PRTFDC1: variants seen among roughly 807,000 people sequenced by gnomAD.
PRTFDC1 encodes phosphoribosyl transferase domain containing 1, also known as phosphoribosyltransferase domain-containing protein 1.
PRTFDC1 carries 38 observed loss-of-function variants against 34.6 expected under a neutral mutation model. The ratio of observed to expected loss-of-function variants is 1.10; its 90% confidence interval spans 0.85 to 1.44. The LOEUF (loss-of-function observed/expected upper bound fraction) is 1.44. Ranked by LOEUF, PRTFDC1 falls within the 40% of genes most tolerant of loss-of-function variation. The pLI is 0.00. For synonymous variants in PRTFDC1, 93 were observed against 98.1 expected (o/e 0.95, Z 0.31); for missense variants, 270 against 283.0 (o/e 0.95, Z 0.33).
intron 5 of PRTFDC1, among the ~76,000 whole-genome samples, chr10:24,857,848 C>A (rs188472151): frequency 6.6e-6 from 1 of 152,064 alleles, no homozygotes; most frequent in Admixed American, 6.6e-5. Flanking sequence ...CATAGGGATC[C>A]CACGTTCTCT....
At chr10:24,900,298 G>C (rs538698114) in intron 3 of PRTFDC1, among the ~76,000 whole-genome samples, 19 of 152,210 alleles carry the variant, frequency 1.2e-4, no homozygotes, top group Non-Finnish European at 2.2e-4. Context: ...CCCTGGTCTT[G>C]ATTCCCAGTG....
chr10:24,857,586 A>C (rs987339531), intron 5 of PRTFDC1, among the ~76,000 whole-genome samples: 2 of 152,158 alleles, frequency 1.3e-5, no homozygotes, highest in African/African-American at 4.8e-5. Context: ...TATTGTCCTA[A>C]GGACAGGAAT....
At chr10:24,929,909 C>T (rs1015852498) in intron 3 of PRTFDC1, among the ~76,000 whole-genome samples, 1 of 152,140 alleles carries the variant, frequency 6.6e-6, no homozygotes, top group Non-Finnish European at 1.5e-5. Flanking sequence ...AGAGCTTTCT[C>T]AAAACACACT....
At chr10:24,937,591 T>C in intron 2 of PRTFDC1, among the ~76,000 whole-genome samples, 1 of 147,312 alleles carries the variant, frequency 6.8e-6, no homozygotes, top group African/African-American at 2.5e-5. Flanking sequence ...GGAGTCTCAC[T>C]CTGTTGCCCA....
rs201465831 is a variant in PRTFDC1, at chr10:24,856,947, C to T, written c.472G>A (p.Glu158Lys). 1 of 1,613,760 alleles carries T rather than the reference C, an allele frequency of 6.2e-7. No homozygotes were observed. Among genetic ancestry groups the T allele is most frequent in the Non-Finnish European group, 8.5e-7 (1 of 1,179,662 alleles). The change falls in exon 6 of 9, where the codon GAG becomes AAG. Residue 158 changes from glutamate (E) to lysine (K), a missense_variant. Physicochemically the swap from Glu to Lys is moderately conservative, Grantham distance 56. Transcript: ENST00000320152. Reference sequence around the variant, plus strand: ...TTAATCATGTTGGGCTTGTATTTCTCTATATTGCTGAGTAGTGCTTTCATG... The same window carrying T: ...TTAATCATGTTGGGCTTGTATTTCTTTATATTGCTGAGTAGTGCTTTCATG... ...RTMKALLSNI[E>K]KYKPNMIKVA...
At chr10:24,902,034 G>C (rs1309274362) in intron 3 of PRTFDC1, among the ~76,000 whole-genome samples, 3 of 152,162 alleles carry the variant, frequency 2.0e-5, no homozygotes, top group Non-Finnish European at 4.4e-5. Context: ...GAGTGAAGGG[G>C]TGTGTCCTGG....
chr10:24,898,087 A>C (rs1027210517), intron 3 of PRTFDC1, among the ~76,000 whole-genome samples: 13 of 152,254 alleles, frequency 8.5e-5, no homozygotes, highest in Non-Finnish European at 1.5e-4. Context: ...TGTCCAATTC[A>C]GGATTTTCTC....
chr10:24,872,139 C>A (rs1847881574), intron 3 of PRTFDC1, 76 bp from the exon 4 acceptor site: 1 of 1,284,260 alleles, frequency 7.8e-7, no homozygotes. Context: ...TCCTGTCTAC[C>A]CAGTTAGTGG....
intron 3 of PRTFDC1, among the ~76,000 whole-genome samples, chr10:24,917,591 C>T (rs943996543): frequency 2.6e-5 from 4 of 151,882 alleles, no homozygotes; most frequent in African/African-American, 9.7e-5. Flanking sequence ...TTATTTTGTT[C>T]TGTTTCATCT....
At chr10:24,929,063 AG>A (rs1436739059) in intron 3 of PRTFDC1, among the ~76,000 whole-genome samples, 9,035 of 132,694 alleles carry the variant, frequency 0.068, 1,019 homozygotes, top group East Asian at 0.17. Context: ...AAAGAAAGAA[AG>A]AAAGAAAGAA....
intron 3 of PRTFDC1, among the ~76,000 whole-genome samples, chr10:24,917,195 A>G (rs1848708432): frequency 6.6e-6 from 1 of 152,192 alleles, no homozygotes; most frequent in Non-Finnish European, 1.5e-5. Context: ...GAAGTAAACC[A>G]TTCCCTCTGG....
intron 3 of PRTFDC1, among the ~76,000 whole-genome samples, chr10:24,912,205 G>C (rs1848635982): frequency 7.8e-6 from 1 of 127,722 alleles, no homozygotes; most frequent in Non-Finnish European, 1.6e-5. Context: ...GGAGGCAGAG[G>C]TTGCAGTGAG....
intron 8 of PRTFDC1, 87 bp downstream of exon 8, chr10:24,851,301 C>T (rs566234343): frequency 8.5e-6 from 13 of 1,521,944 alleles, no homozygotes; most frequent in Non-Finnish European, 1.1e-5. Context: ...CAATCAATAG[C>T]AGACATCACT....
intron 3 of PRTFDC1, among the ~76,000 whole-genome samples, chr10:24,886,843 T>G (rs1162898117): frequency 6.6e-6 from 1 of 152,150 alleles, no homozygotes. Context: ...GGCCACCCTT[T>G]GAGTAGCCAG....
At chr10:24,896,412 C>G (rs1848365056) in intron 3 of PRTFDC1, among the ~76,000 whole-genome samples, 2 of 152,182 alleles carry the variant, frequency 1.3e-5, no homozygotes, top group Non-Finnish European at 2.9e-5. Flanking sequence ...TTCCACAAAA[C>G]TGGTCCCCGG....
chr10:24,937,516 C>T, intron 2 of PRTFDC1, 149 bp from the exon 3 acceptor site: 1 of 611,844 alleles, frequency 1.6e-6, no homozygotes, highest in Non-Finnish European at 2.6e-6. Flanking sequence ...GATAGAAAAG[C>T]TTTGTTAAGG....
chr10:24,945,238 A>G (rs773939165), intron 1 of PRTFDC1, among the ~76,000 whole-genome samples: 6 of 152,200 alleles, frequency 3.9e-5, no homozygotes, highest in Non-Finnish European at 8.8e-5. Context: ...TGAATCCCTC[A>G]GTGCCCAGAA....
chr10:24,937,759 T>C (rs1416333196), intron 2 of PRTFDC1, among the ~76,000 whole-genome samples: 3 of 151,890 alleles, frequency 2.0e-5, no homozygotes, highest in Admixed American at 6.6e-5. Context: ...GGTTTTGCCA[T>C]GTTGGCCAGG....
chr10:24,891,062 A>G (rs1310309948), intron 3 of PRTFDC1, among the ~76,000 whole-genome samples: 1 of 152,146 alleles, frequency 6.6e-6, no homozygotes, highest in African/African-American at 2.4e-5. Context: ...TTAAACCCAA[A>G]TCCAATGTAC....
Sources: allele counts gnomAD v4.1 joint callset (sites outside exome capture counted in the v4.1 genomes callset), GRCh38; gene constraint gnomAD v4.1.1; transcripts MANE v1.5; gene names NCBI Gene and HGNC (gene_info 2026-07-23, HGNC 2026-07-21).